The following TMEM132D variants were observed in gnomAD, a reference collection of about 807,000 sequenced individuals.
TMEM132D encodes transmembrane protein 132D.
A neutral mutation model predicts 62.3 loss-of-function variants in TMEM132D; 21 were observed. The observed-to-expected ratio is 0.34, with a 90% confidence interval of 0.24 to 0.49. The LOEUF is 0.49. Ranked by LOEUF, TMEM132D falls within the 20% of genes least tolerant of loss-of-function variation. The pLI, the probability that TMEM132D is intolerant of heterozygous loss-of-function variation, is 0.99. For missense variants in TMEM132D, 1,346 were observed against 1,402.8 expected (o/e 0.96, Z 0.65); for synonymous variants, 621 against 575.6 (o/e 1.08, Z -1.13).
At chr12:129,271,035 T>C (rs529654884) in intron 4 of TMEM132D, among the ~76,000 whole-genome samples, 1 of 152,234 alleles carries the variant, frequency 6.6e-6, no homozygotes, top group African/African-American at 2.4e-5. Flanking sequence ...CAGAGTAACA[T>C]AATAACGTTT....
At chr12:129,731,180 C>A (rs1869223298) in intron 1 of TMEM132D, among the ~76,000 whole-genome samples, 1 of 152,046 alleles carries the variant, frequency 6.6e-6, no homozygotes, top group African/African-American at 2.4e-5. Flanking sequence ...GTCTGAATCA[C>A]ACTGTGGCTT....
At chr12:129,400,933 A>G (rs1000257800) in intron 3 of TMEM132D, among the ~76,000 whole-genome samples, 1 of 152,190 alleles carries the variant, frequency 6.6e-6, no homozygotes, top group Non-Finnish European at 1.5e-5. Context: ...GTGATTTTGC[A>G]AAGGTGAAAA....
At chr12:129,495,103 C>T (rs1010013058) in intron 3 of TMEM132D, among the ~76,000 whole-genome samples, 3 of 152,086 alleles carry the variant, frequency 2.0e-5, no homozygotes, top group African/African-American at 7.2e-5. Flanking sequence ...CAGAGGTTGG[C>T]TCTGGTCAAA....
At chr12:129,451,063 A>G (rs986602541) in intron 3 of TMEM132D, among the ~76,000 whole-genome samples, 6 of 151,942 alleles carry the variant, frequency 3.9e-5, no homozygotes, top group Non-Finnish European at 5.9e-5. Context: ...CGCCCGGCCA[A>G]TTTTCATCAC....
intron 2 of TMEM132D, among the ~76,000 whole-genome samples, chr12:129,646,553 A>C (rs969437931): frequency 6.6e-6 from 1 of 152,088 alleles, no homozygotes; most frequent in African/African-American, 2.4e-5. Context: ...ATGAACATTC[A>C]TGTCCCCACC....
In TMEM132D at chr12:129,820,201, C is replaced by T. The variant is rs80354859; in HGVS notation, c.79+83060G>A. On this transcript the variant is annotated intron_variant, in intron 1 of 8. Coordinates refer to ENST00000422113, the MANE Select transcript of TMEM132D (RefSeq NM_133448.3). ...CTTTTCAGGAGTTCTTTTGAAAGAC[C>T]ATCTTGCCTCCCTTAGGAATTTAGG... 4.0e-3 allele frequency among the ~76,000 whole-genome samples: 602 copies of T among 152,258 alleles called. 6 individuals carry two copies. Among genetic ancestry groups the T allele is most frequent in the African/African-American group, 0.014 (574 of 41,558 alleles).
intron 2 of TMEM132D, among the ~76,000 whole-genome samples, chr12:129,663,138 CTT>C: frequency 6.9e-6 from 1 of 145,582 alleles, no homozygotes; most frequent in South Asian, 2.2e-4. Flanking sequence ...AACGTCTGCC[CTT>C]TTTTTTTTTT....
At chr12:129,445,283 G>T (rs1337726660) in intron 3 of TMEM132D, among the ~76,000 whole-genome samples, 3 of 152,066 alleles carry the variant, frequency 2.0e-5, no homozygotes, top group African/African-American at 7.2e-5. Flanking sequence ...ACACAAAGAG[G>T]GGAACAACAC....
At chr12:129,356,606 C>G (rs1189742879) in intron 3 of TMEM132D, among the ~76,000 whole-genome samples, 1 of 150,218 alleles carries the variant, frequency 6.7e-6, no homozygotes, top group African/African-American at 2.4e-5. Context: ...CTGCTTGACC[C>G]CAGGAGTTGG....
chr12:129,726,378 A>G (rs1443499857), intron 1 of TMEM132D, among the ~76,000 whole-genome samples: 2 of 152,130 alleles, frequency 1.3e-5, no homozygotes, highest in Admixed American at 1.3e-4. Context: ...TGGCCATGTA[A>G]ATACTGCAGG....
At chr12:129,353,852 C>T (rs1593348327) in intron 3 of TMEM132D, among the ~76,000 whole-genome samples, 1 of 151,922 alleles carries the variant, frequency 6.6e-6, no homozygotes, top group East Asian at 1.9e-4. Context: ...CAAACACCTC[C>T]TGACTGACTC....
intron 4 of TMEM132D, among the ~76,000 whole-genome samples, chr12:129,226,362 C>T (rs577189591): frequency 1.3e-5 from 2 of 152,354 alleles, no homozygotes; most frequent in African/African-American, 4.8e-5. Flanking sequence ...TGCACACCTA[C>T]CTATGCATGT....
At chr12:129,336,569 C>CAAAA (rs1422495874) in intron 4 of TMEM132D, among the ~76,000 whole-genome samples, 5 of 149,300 alleles carry the variant, frequency 3.3e-5, no homozygotes, top group African/African-American at 1.2e-4. Context: ...GGCACTCCGT[C>CAAAA]AAAAAGAAAA....
At chr12:129,554,941 G>T (rs1877012411) in intron 2 of TMEM132D, among the ~76,000 whole-genome samples, 2 of 152,150 alleles carry the variant, frequency 1.3e-5, no homozygotes, top group Non-Finnish European at 2.9e-5. Context: ...TGGAGTTCCA[G>T]TCGCTTGCAT....
At chr12:129,580,894 T>C (rs570326658) in intron 2 of TMEM132D, among the ~76,000 whole-genome samples, 1 of 152,282 alleles carries the variant, frequency 6.6e-6, no homozygotes, top group East Asian at 1.9e-4. Context: ...CAGATAATGA[T>C]TAATGATTTA....
At chr12:129,851,625 T>G (rs1485642161) in intron 1 of TMEM132D, among the ~76,000 whole-genome samples, 2 of 152,214 alleles carry the variant, frequency 1.3e-5, no homozygotes, top group African/African-American at 2.4e-5. Context: ...CACTGTTTTA[T>G]TTTTAAGTGA....
At chr12:129,191,159 G>T (rs1036656974) in intron 5 of TMEM132D, among the ~76,000 whole-genome samples, 3 of 152,092 alleles carry the variant, frequency 2.0e-5, no homozygotes, top group African/African-American at 7.2e-5. Context: ...CACATGACTT[G>T]CTCAGTTAGC....
rs545816364 is a variant in TMEM132D, at chr12:129,339,480, G to A, written c.1116-1663C>T. On this transcript the variant is annotated intron_variant, in intron 3 of 8. Coordinates refer to ENST00000422113, the MANE Select transcript of TMEM132D (RefSeq NM_133448.3). ...AGCTGGTTTTTGAATCCTACAAAAC[G>A]CACTCCCTCTTGGCTTTTGAAAGAA... Among the ~76,000 whole-genome samples, 22 of 152,262 alleles carry A rather than the reference G, an allele frequency of 1.4e-4. No individual in the cohort carries two copies. In the East Asian group the frequency reaches 2.3e-3, roughly 16 times the overall value.
chr12:129,141,679 G>A (rs1001568097), intron 5 of TMEM132D, among the ~76,000 whole-genome samples: 9 of 152,088 alleles, frequency 5.9e-5, no homozygotes, highest in Non-Finnish European at 1.3e-4. Context: ...ACCAAATACT[G>A]CAAGTTTTCA....
Sources: allele counts gnomAD v4.1 joint callset (sites outside exome capture counted in the v4.1 genomes callset), GRCh38; gene constraint gnomAD v4.1.1; transcripts MANE v1.5; gene names NCBI Gene and HGNC (gene_info 2026-07-23, HGNC 2026-07-21).